The following ROBO2 variants were observed in gnomAD, a reference collection of about 807,000 sequenced individuals.
The protein encoded by ROBO2 is roundabout homolog 2.
A neutral mutation model predicts 160.8 loss-of-function variants in ROBO2; 53 were observed. The ratio of observed to expected loss-of-function variants is 0.33; its 90% CI spans 0.26 to 0.41. ROBO2 has a LOEUF of 0.41. ROBO2 is among the 10% of genes least tolerant of loss of function. The pLI, the probability that ROBO2 is intolerant of heterozygous loss-of-function variation, is 1.00. For synonymous variants in ROBO2, 664 were observed against 611.7 expected (o/e 1.09, Z -1.26); for missense variants, 1,577 against 1,722.4 (o/e 0.92, Z 1.49).
rs183063197 is a variant in ROBO2 at position 76,810,347 on chromosome 3, G to A, written c.110-287667G>A. 1.8e-3 allele frequency among the ~76,000 whole-genome samples: 267 copies of A among 152,160 alleles called. 2 individuals carry two copies. The highest frequency in any genetic ancestry group is 5.7e-3 in the African/African-American group (236 of 41,530). The stretch of plus-strand genomic sequence containing the variant: ...CCCAAACTTTTTGATTATTTATAGC[G>A]TCAAATGACTTTTTCTTGGACCACA... On this transcript the variant is annotated intron_variant, in intron 2 of 26. Coordinates refer to the ROBO2 transcript ENST00000487694.
intron 2 of ROBO2, among the ~76,000 whole-genome samples, chr3:77,211,429 TG>T (rs1314287779): frequency 2.0e-5 from 3 of 152,210 alleles, no homozygotes. Context: ...CACTTTTTGA[TG>T]GGGTTGTTTC....
chr3:76,782,448 C>T (rs1384953243), intron 2 of ROBO2, among the ~76,000 whole-genome samples: 1 of 150,580 alleles, frequency 6.6e-6, no homozygotes, highest in African/African-American at 2.4e-5. Flanking sequence ...GATTTTGTTT[C>T]TAGATAATCT....
At chr3:77,281,478 G>GA (rs2060236389) in intron 2 of ROBO2, among the ~76,000 whole-genome samples, 1 of 144,156 alleles carries the variant, frequency 6.9e-6, no homozygotes, top group African/African-American at 2.6e-5. Context: ...CTAAATATAA[G>GA]AAAAAATATA....
In ROBO2 at chr3:77,588,501, C is replaced by CA. The variant is rs5850334; in HGVS notation, c.2501-250_2501-249insA. Among the ~76,000 whole-genome samples the CA allele has an allele frequency of 0.63, 95,439 of 151,768 alleles. 30,197 individuals carry two copies. Among genetic ancestry groups the CA allele is most frequent in the Middle Eastern group, 0.72 (210 of 292 alleles). On this transcript the variant is annotated intron_variant, in intron 16 of 25. Transcript: ENST00000461745. ...TATAATTTATAAGGTGATAAATCAA[C>CA]TACGTTGTGAATCCATCCATAGCAA...
intron 2 of ROBO2, among the ~76,000 whole-genome samples, chr3:77,237,373 CTTTT>C (rs910656183): frequency 7.1e-6 from 1 of 140,012 alleles, no homozygotes. Flanking sequence ...CTTTTCTTTT[CTTTT>C]TTTTTCTTTT....
intron 21 of ROBO2, among the ~76,000 whole-genome samples, chr3:77,612,845 C>T (rs1279768599): frequency 5.3e-5 from 8 of 151,916 alleles, no homozygotes; most frequent in Admixed American, 4.6e-4. Context: ...ACCAGCTACT[C>T]GGGAGGCTGA....
At chr3:76,684,171 C>T (rs1478545032) in intron 2 of ROBO2, among the ~76,000 whole-genome samples, 1 of 151,964 alleles carries the variant, frequency 6.6e-6, no homozygotes, top group African/African-American at 2.4e-5. Flanking sequence ...ACAAAAAACC[C>T]ATCATACCAT....
chr3:76,394,179 C>T (rs1395639673), intron 2 of ROBO2, among the ~76,000 whole-genome samples: 1 of 152,070 alleles, frequency 6.6e-6, no homozygotes, highest in Non-Finnish European at 1.5e-5. Flanking sequence ...ATGATATTAG[C>T]TGGTTATTTT....
intron 2 of ROBO2, among the ~76,000 whole-genome samples, chr3:76,802,285 T>C (rs551059611): frequency 6.6e-6 from 1 of 152,260 alleles, no homozygotes; most frequent in Admixed American, 6.5e-5. Flanking sequence ...CACAATAAAA[T>C]GAGATTTTTC....
At chr3:77,214,311 T>A (rs1378230332) in intron 2 of ROBO2, among the ~76,000 whole-genome samples, 1 of 152,222 alleles carries the variant, frequency 6.6e-6, no homozygotes, top group Non-Finnish European at 1.5e-5. Flanking sequence ...TCTTGTTGAA[T>A]TGATCCCTTT....
At chr3:76,323,537 G>A (rs369784994) in intron 2 of ROBO2, among the ~76,000 whole-genome samples, 1 of 152,086 alleles carries the variant, frequency 6.6e-6, no homozygotes, top group Non-Finnish European at 1.5e-5. Flanking sequence ...AATATTGATG[G>A]TGTAGAAAAA....
chr3:76,330,268 C>T (rs1480735561), intron 2 of ROBO2, among the ~76,000 whole-genome samples: 1 of 152,158 alleles, frequency 6.6e-6, no homozygotes, highest in Non-Finnish European at 1.5e-5. Context: ...AAACTCATAA[C>T]TAATCAAAGT....
intron 2 of ROBO2, among the ~76,000 whole-genome samples, chr3:77,424,713 G>T (rs905894353): frequency 2.0e-5 from 3 of 152,072 alleles, no homozygotes; most frequent in African/African-American, 7.2e-5. Context: ...AAAATACTGA[G>T]GTTTCTTAGT....
At position 76,448,760 on chromosome 3, in the gene ROBO2, A is replaced by G. The variant is rs1321902771; in HGVS notation, c.109+511158A>G. On this transcript the variant is annotated intron_variant, in intron 2 of 26. Transcript: ENST00000487694. The stretch of plus-strand genomic sequence containing the variant: ...AGACTTTACATTTGTTAATTCATCT[A>G]TTTCTCACAATAATGCTAAAAGGTT... Among the ~76,000 whole-genome samples, 7 of 152,136 alleles carry G rather than the reference A, an allele frequency of 4.6e-5. 1 individual carries two copies. Among genetic ancestry groups the G allele is most frequent in the East Asian group, 1.9e-4 (1 of 5,184 alleles).
At chr3:77,551,093 A>C in intron 8 of ROBO2, 104 bp downstream of exon 9, 5 of 1,226,742 alleles carry the variant, frequency 4.1e-6, no homozygotes, top group Non-Finnish European at 5.9e-6. Context: ...ATTTCTATGT[A>C]TGCTTATCTT....
At chr3:76,186,737 C>T (rs938894862) in intron 2 of ROBO2, among the ~76,000 whole-genome samples, 2 of 152,138 alleles carry the variant, frequency 1.3e-5, no homozygotes, top group African/African-American at 2.4e-5. Context: ...TGTTCCCTTT[C>T]TAGCAAAATT....
chr3:76,856,026 C>T (rs1447909834), intron 2 of ROBO2, among the ~76,000 whole-genome samples: 1 of 152,188 alleles, frequency 6.6e-6, no homozygotes, highest in African/African-American at 2.4e-5. Context: ...CTGGTATCCC[C>T]TGTTGGATGA....
At chr3:77,366,799 C>G (rs142852568) in intron 2 of ROBO2, among the ~76,000 whole-genome samples, 1 of 145,394 alleles carries the variant, frequency 6.9e-6, no homozygotes, top group East Asian at 2.0e-4. Flanking sequence ...GAGAGAGATA[C>G]AGAGAGATAC....
intron 2 of ROBO2, among the ~76,000 whole-genome samples, chr3:76,837,479 G>A (rs923983079): frequency 4.0e-5 from 6 of 150,748 alleles, no homozygotes; most frequent in East Asian, 1.9e-4. Context: ...CATTTAATAC[G>A]GTGTTCCTAT....
Sources: allele counts gnomAD v4.1 joint callset (sites outside exome capture counted in the v4.1 genomes callset), GRCh38; gene constraint gnomAD v4.1.1; transcripts MANE v1.5; gene names NCBI Gene and HGNC (gene_info 2026-07-23, HGNC 2026-07-21).